GOPC: variants seen among roughly 807,000 people sequenced by gnomAD.
The protein encoded by GOPC is golgi associated PDZ and coiled-coil motif containing.
Under a neutral mutation model 51.2 loss-of-function variants are expected in GOPC, and 32 were observed. The observed-to-expected ratio is 0.63, with a 90% CI of 0.47 to 0.84. GOPC has a LOEUF of 0.84. Ranked by LOEUF, GOPC falls within the 40% of genes least tolerant of loss-of-function variation. GOPC has a pLI of 0.00. For synonymous variants in GOPC, 190 were observed against 205.1 expected, an observed-to-expected ratio of 0.93 and a Z score of 0.63; for missense variants, 441 against 555.5, an observed-to-expected ratio of 0.79 and a Z score of 2.07.
intron 1 of GOPC, among the ~76,000 whole-genome samples, chr6:117,592,984 T>C (rs767795658): frequency 2.0e-5 from 3 of 152,218 alleles, no homozygotes; most frequent in Admixed American, 6.5e-5. Flanking sequence ...TGCTATAACA[T>C]TGAATAAACC....
rs1181163713 is a variant in GOPC, at chr6:117,593,547, C to G, written c.285+8457G>C. Among the ~76,000 whole-genome samples, 4 of 152,218 alleles carry G rather than the reference C, an allele frequency of 2.6e-5. No homozygotes were observed. In the East Asian group the frequency reaches 5.8e-4, roughly 22 times the overall value. ...TTCTCTCTCCACCTCCTCCATCCCC[C>G]ATCAGACATAATGTGTTTGTGCAGA... is the stretch of plus-strand genomic sequence containing the variant. On this transcript the variant is annotated intron_variant, in intron 1 of 8. Transcript: ENST00000368498.
At chr6:117,592,949 C>CT (rs1359983625) in intron 1 of GOPC, among the ~76,000 whole-genome samples, 1 of 152,206 alleles carries the variant, frequency 6.6e-6, no homozygotes, top group Non-Finnish European at 1.5e-5. Flanking sequence ...TTCAATAACA[C>CT]ACTTGTCTGT....
intron 3 of GOPC, 22 bp downstream of exon 3, chr6:117,577,426 A>G: frequency 6.2e-7 from 1 of 1,602,210 alleles, no homozygotes; most frequent in South Asian, 1.1e-5. Flanking sequence ...ATATTAAAGC[A>G]AAACAGAAAC....
chr6:117,591,703 G>T (rs1266379489), intron 1 of GOPC, among the ~76,000 whole-genome samples: 2 of 152,164 alleles, frequency 1.3e-5, no homozygotes, highest in Non-Finnish European at 2.9e-5. Context: ...AAATAGATCA[G>T]TTTTATTGAG....
chr6:117,569,960 A>C, intron 6 of GOPC: 1 of 391,660 alleles, frequency 2.6e-6, no homozygotes, highest in East Asian at 4.7e-5. Flanking sequence ...CTTATGTGTT[A>C]GTACTCCATA....
intron 1 of GOPC, among the ~76,000 whole-genome samples, chr6:117,584,550 G>A (rs1780003279): frequency 6.6e-6 from 1 of 151,736 alleles, no homozygotes. Flanking sequence ...AAGGACTGGG[G>A]TAAGGGACAC....
intron 1 of GOPC, among the ~76,000 whole-genome samples, chr6:117,586,856 T>C (rs1780040018): frequency 6.6e-6 from 1 of 152,124 alleles, no homozygotes; most frequent in African/African-American, 2.4e-5. Flanking sequence ...AAGAAGAAAA[T>C]GTAACTAATG....
At chr6:117,582,361 C>T (rs976339459) in intron 1 of GOPC, among the ~76,000 whole-genome samples, 11 of 150,996 alleles carry the variant, frequency 7.3e-5, no homozygotes, top group Non-Finnish European at 1.3e-4. Flanking sequence ...GGTGTGTCCT[C>T]GGCAAAACCC....
At chr6:117,572,032 G>A (rs75684409) in intron 5 of GOPC, among the ~76,000 whole-genome samples, 5,429 of 152,002 alleles carry the variant, frequency 0.036, 127 homozygotes, top group Non-Finnish European at 0.052. Flanking sequence ...GAGTTCCAAG[G>A]TTTCAAGTAT....
intron 1 of GOPC, 121 bp downstream of exon 1, chr6:117,601,883 A>G (rs1431505142): frequency 9.0e-7 from 1 of 1,109,764 alleles, no homozygotes; most frequent in African/African-American, 1.6e-5. Context: ...GCACTCTCCC[A>G]TCACATTTGA....
chr6:117,598,551 G>A (rs1261673175), intron 1 of GOPC, among the ~76,000 whole-genome samples: 2 of 152,124 alleles, frequency 1.3e-5, no homozygotes, highest in African/African-American at 4.8e-5. Flanking sequence ...CGTGGGGATG[G>A]TTTCAACAAA....
chr6:117,601,286 AC>A (rs1186428538), intron 1 of GOPC, among the ~76,000 whole-genome samples: 1 of 152,076 alleles, frequency 6.6e-6, no homozygotes, highest in Non-Finnish European at 1.5e-5. Context: ...CCTCACCCAC[AC>A]CCAGGATCAG....
At position 117,602,240 on chromosome 6, in the gene GOPC, C is replaced by T. The variant is rs1562151513; in HGVS notation, c.49G>A (p.Gly17Ser). Residue 17 changes from glycine (G) to serine (S), a missense_variant, in exon 1 of 9, where the codon GGC becomes AGC. Gly to Ser is a moderately conservative substitution (Grantham distance 56). Around this residue, in one of 3 missense-constraint regions of GOPC, gnomAD observed 204 missense variants for 219.8 expected, o/e 0.93. Transcript: ENST00000368498. ...GGGGCCCCCACGGAGCAGGAGGCGC[C>T]CCCTGGGCCCCCTCCGGCTGCTGCT... ...CPAAAGGGPG[G>S]ASCSVGAPGG... 1.2e-6 allele frequency: 2 copies of T among 1,601,904 alleles called. No homozygotes were observed. Among genetic ancestry groups the T allele is most frequent in the African/African-American group, 1.3e-5 (1 of 75,024 alleles).
chr6:117,575,028 G>A (rs981295494), intron 4 of GOPC, 149 bp downstream of exon 4: 17 of 537,032 alleles, frequency 3.2e-5, no homozygotes, highest in Middle Eastern at 4.4e-4. Context: ...GCAGTGAGCA[G>A]AGATCATGCC....
At chr6:117,600,673 ATAAAGT>A (rs1434156676) in intron 1 of GOPC, among the ~76,000 whole-genome samples, 15 of 152,250 alleles carry the variant, frequency 9.9e-5, no homozygotes, top group Admixed American at 3.3e-4. Context: ...ATAAGATGAA[ATAAAGT>A]TAAAGTACTA....
intron 1 of GOPC, among the ~76,000 whole-genome samples, chr6:117,595,673 T>C (rs138019779): frequency 7.4e-4 from 113 of 152,304 alleles, no homozygotes; most frequent in African/African-American, 2.5e-3. Flanking sequence ...TTACTTCATT[T>C]AGATAATGGT....
rs780438829 is a variant in GOPC, at chr6:117,563,327, C to T, written c.1316G>A (p.Ser439Asn). Reference protein sequence around the residue: ...THENGDLGTASETPLDDGASK... With the variant: ...THENGDLGTANETPLDDGASK... ...AGCACCGTCATCTAGCGGAGTTTCA[C>T]TTGCAGTGCCCAGGTCTCCATTTTC... Residue 439 changes from serine (S) to asparagine (N), a missense_variant, in exon 9 of 9, where the codon AGT becomes AAT. Coordinates refer to ENST00000368498, the MANE Select transcript of GOPC (RefSeq NM_020399.4). 2.5e-6 allele frequency: 4 copies of T among 1,613,236 alleles called. No individual in the cohort carries two copies. Among genetic ancestry groups the T allele is most frequent in the Non-Finnish European group, 2.5e-6 (3 of 1,179,286 alleles).
chr6:117,598,728 A>G (rs943210908), intron 1 of GOPC, among the ~76,000 whole-genome samples: 28 of 152,142 alleles, frequency 1.8e-4, no homozygotes, highest in African/African-American at 6.8e-4. Flanking sequence ...CCCACTGCTC[A>G]CCTCCTGCTG....
At position 117,561,778 on chromosome 6, in the gene GOPC, C is replaced by G. The variant is rs936303161; in HGVS notation, c.*1476G>C. The G allele has an allele frequency of 2.4e-5, 5 of 207,132 alleles. No homozygotes were observed. Among genetic ancestry groups the G allele is most frequent in the African/African-American group, 1.1e-4 (5 of 43,892 alleles). 12.8% of individuals were successfully genotyped at this position (207,132 alleles called of 1,614,324 possible). A position where few individuals can be genotyped will look rare whatever the true frequency, so the allele number is the denominator to read the frequency against. ...ATGGTGATATACAGATGAACACCAC[C>G]ACCCAAAACAAACCATAAATGAGCA... is the stretch of plus-strand genomic sequence containing the variant. On this transcript the variant is annotated 3_prime_UTR_variant, in exon 9 of 9. Transcript: ENST00000368498.
Sources: allele counts gnomAD v4.1 joint callset (sites outside exome capture counted in the v4.1 genomes callset), GRCh38; gene constraint gnomAD v4.1.1; regional missense constraint gnomAD v4.1.1; transcripts MANE v1.5; gene names NCBI Gene and HGNC (gene_info 2026-07-23, HGNC 2026-07-21).